Variants in SPECC1 observed in about 807,000 individuals in gnomAD.
SPECC1 encodes sperm antigen with calponin homology and coiled-coil domains 1.
SPECC1 carries 62 observed loss-of-function variants against 104.1 expected under a neutral mutation model. The observed-to-expected ratio is 0.60, with a 90% confidence interval of 0.49 to 0.74. The LOEUF is 0.74. SPECC1 is among the 30% of genes least tolerant of loss of function. SPECC1 has a pLI of 0.00. For missense variants in SPECC1, 1,306 were observed against 1,310.5 expected, an observed-to-expected ratio of 1.00 and a Z score of 0.05; for synonymous variants, 513 against 501.6, an observed-to-expected ratio of 1.02 and a Z score of -0.30.
chr17:20,206,000 C>T, intron 4 of SPECC1, 88 bp downstream of exon 4: 1 of 1,483,428 alleles, frequency 6.7e-7, no homozygotes, highest in Non-Finnish European at 9.0e-7. Context: ...CACAGAGAAG[C>T]ATTTGCTTAG....
intron 7 of SPECC1, chr17:20,239,388 T>C: frequency 3.1e-6 from 2 of 635,632 alleles, no homozygotes; most frequent in South Asian, 1.4e-4. Flanking sequence ...ATAGGGTTCA[T>C]TTTCATATTT....
intron 7 of SPECC1, chr17:20,237,806 G>C (rs374855231): frequency 5.3e-6 from 1 of 190,268 alleles, no homozygotes; most frequent in Non-Finnish European, 1.1e-5. Flanking sequence ...GCAGTGGTGC[G>C]ATCTTGGCTC....
intron 7 of SPECC1, among the ~76,000 whole-genome samples, chr17:20,245,648 A>G (rs547580201): frequency 6.6e-6 from 1 of 152,228 alleles, no homozygotes; most frequent in Non-Finnish European, 1.5e-5. Context: ...CAGAGTAGCC[A>G]TACACACTTT....
chr17:20,115,772 G>T (rs2048725420), intron 3 of SPECC1, among the ~76,000 whole-genome samples: 2 of 152,156 alleles, frequency 1.3e-5, no homozygotes, highest in Non-Finnish European at 1.5e-5. Flanking sequence ...CTTCTTTAAT[G>T]ATGTGTATGT....
At chr17:20,013,333 A>C (rs2044004877) in intron 1 of SPECC1, among the ~76,000 whole-genome samples, 1 of 152,214 alleles carries the variant, frequency 6.6e-6, no homozygotes. Flanking sequence ...ATGCGTGAGA[A>C]TTTCAGTTTC....
At chr17:20,292,125 C>T (rs11204300) in intron 12 of SPECC1, among the ~76,000 whole-genome samples, 64,220 of 151,396 alleles carry the variant, frequency 0.42, 14,231 homozygotes, top group East Asian at 0.8. Flanking sequence ...CCAGCCTGTG[C>T]GTGGCAGAGG....
intron 3 of SPECC1, among the ~76,000 whole-genome samples, chr17:20,163,939 C>G (rs1290734554): frequency 6.6e-6 from 1 of 152,178 alleles, no homozygotes; most frequent in African/African-American, 2.4e-5. Context: ...TACTCAGTTA[C>G]ATATTTTGAA....
chr17:20,107,165 AAAAAG>A lies in SPECC1; in HGVS notation c.148-3252_148-3248del, dbSNP rs1567847925. On this transcript the variant is annotated intron_variant, in intron 2 of 14. Coordinates refer to ENST00000395527, the MANE Select transcript of SPECC1 (RefSeq NM_001243439.2). ...GTCTCAAAAAAAAAAAAAAAAAAAAAAAAAGAAAAGAAAAACAAAAGAAAATGTGA... is the reference window on the plus strand; with the variant it reads ...GTCTCAAAAAAAAAAAAAAAAAAAAAAAAAGAAAAACAAAAGAAAATGTGA... Among the ~76,000 whole-genome samples, 79 of 148,788 alleles carry A rather than the reference AAAAAG, an allele frequency of 5.3e-4. No homozygotes were observed. In the South Asian group the frequency reaches 8.5e-3, roughly 16 times the overall value.
At chr17:20,059,863 A>AAAAAC (rs1259528900) in intron 1 of SPECC1, among the ~76,000 whole-genome samples, 2 of 152,294 alleles carry the variant, frequency 1.3e-5, no homozygotes, top group South Asian at 2.1e-4. Context: ...GCCTGTCTCT[A>AAAAAC]AAAACAAAAC....
chr17:20,081,536 T>C (rs2046973625), intron 1 of SPECC1, among the ~76,000 whole-genome samples: 1 of 152,014 alleles, frequency 6.6e-6, no homozygotes. Context: ...TGGAGGGCTT[T>C]GAGCAGAGGA....
At chr17:20,025,984 G>A (rs1441591538) in intron 1 of SPECC1, among the ~76,000 whole-genome samples, 6 of 151,858 alleles carry the variant, frequency 4.0e-5, no homozygotes, top group African/African-American at 1.5e-4. Context: ...GCATCTTTTC[G>A]TGTCTTTATT....
intron 2 of SPECC1, among the ~76,000 whole-genome samples, chr17:20,097,118 T>C (rs776826859): frequency 2.4e-4 from 36 of 152,190 alleles, no homozygotes; most frequent in Non-Finnish European, 4.7e-4. Flanking sequence ...GCACGATCTT[T>C]GCAGCCCCCC....
intron 3 of SPECC1, among the ~76,000 whole-genome samples, chr17:20,178,323 G>A (rs773540198): frequency 6.6e-6 from 1 of 152,174 alleles, no homozygotes; most frequent in Non-Finnish European, 1.5e-5. Context: ...TCTAGGTGGA[G>A]GAGACCCCAG....
chr17:20,104,740 CAA>C (rs745893309), intron 2 of SPECC1, among the ~76,000 whole-genome samples: 720 of 57,248 alleles, frequency 0.013, 11 homozygotes, highest in African/African-American at 0.048. Context: ...GAGACTGTCT[CAA>C]AAAAAAAAAA....
chr17:20,200,453 C>G (rs992817983), intron 3 of SPECC1, among the ~76,000 whole-genome samples: 1 of 152,144 alleles, frequency 6.6e-6, no homozygotes, highest in Non-Finnish European at 1.5e-5. Context: ...TGGAATCAGC[C>G]AGCCTCAGGA....
chr17:20,141,683 C>A (rs1282740119), intron 3 of SPECC1, among the ~76,000 whole-genome samples: 1 of 152,140 alleles, frequency 6.6e-6, no homozygotes, highest in Non-Finnish European at 1.5e-5. Flanking sequence ...TCCAGAAATA[C>A]CCCATGCTGC....
rs191453123 is a variant in SPECC1, at chr17:20,180,499, T to C, written c.284-23834T>C. On this transcript the variant is annotated intron_variant, in intron 3 of 14. Coordinates refer to ENST00000395527, the MANE Select transcript of SPECC1 (RefSeq NM_001243439.2). ...ACAAAAGAATTTGGTAAGAAACATA[T>C]TCTACTAAGAGATGCTAATTATGTG... is the stretch of plus-strand genomic sequence containing the variant. Among the ~76,000 whole-genome samples the C allele has an allele frequency of 1.2e-3, 180 of 152,322 alleles. 1 individual carries two copies. The highest frequency in any genetic ancestry group is 3.8e-3 in the African/African-American group (159 of 41,574).
chr17:20,232,688 G>A (rs2038673085), intron 7 of SPECC1, among the ~76,000 whole-genome samples: 1 of 152,198 alleles, frequency 6.6e-6, no homozygotes, highest in Admixed American at 6.5e-5. Context: ...TGTCTAGAAT[G>A]CTCCCTGAAT....
At chr17:20,306,493 G>T (rs1410521523) in intron 14 of SPECC1, among the ~76,000 whole-genome samples, 1 of 152,242 alleles carries the variant, frequency 6.6e-6, no homozygotes, top group African/African-American at 2.4e-5. Flanking sequence ...ACTCGGCAGG[G>T]GTGGGTGGGG....
Sources: allele counts gnomAD v4.1 joint callset (sites outside exome capture counted in the v4.1 genomes callset), GRCh38; gene constraint gnomAD v4.1.1; transcripts MANE v1.5; gene names NCBI Gene and HGNC (gene_info 2026-07-23, HGNC 2026-07-21).